The following SGCD variants were observed in gnomAD, a reference collection of about 807,000 sequenced individuals.
SGCD encodes the protein sarcoglycan delta, also known as delta-sarcoglycan.
Under a neutral mutation model 36.6 loss-of-function variants are expected in SGCD, and 18 were observed. The ratio of observed to expected loss-of-function variants is 0.49; its 90% CI spans 0.34 to 0.73. The LOEUF (loss-of-function observed/expected upper bound fraction) is 0.73, where lower values mean the gene tolerates loss of function less well. SGCD is among the 30% of genes least tolerant of loss of function. The pLI, the probability that SGCD is intolerant of heterozygous loss-of-function variation, is 0.01. For synonymous variants in SGCD, 133 were observed against 130.6 expected (o/e 1.02, Z -0.12); for missense variants, 387 against 346.7 (o/e 1.12, Z -0.92).
chr5:156,380,650 A>G (rs1224267703), intron 3 of SGCD, among the ~76,000 whole-genome samples: 1 of 152,190 alleles, frequency 6.6e-6, no homozygotes, highest in Non-Finnish European at 1.5e-5. Context: ...CATTTCAGCA[A>G]CTTCCTAGCC....
At chr5:156,330,578 TCCA>T (rs1768022225) in intron 2 of SGCD, among the ~76,000 whole-genome samples, 1 of 152,222 alleles carries the variant, frequency 6.6e-6, no homozygotes, top group Non-Finnish European at 1.5e-5. Context: ...CACCCATTTC[TCCA>T]TCTTTTCCTG....
intron 3 of SGCD, among the ~76,000 whole-genome samples, chr5:156,283,117 A>G (rs1766497782): frequency 6.6e-6 from 1 of 152,276 alleles, no homozygotes; most frequent in South Asian, 2.1e-4. Flanking sequence ...AACTTCATAT[A>G]TAATAGGGAT....
chr5:155,762,729 T>A, the SGCD span, among the ~76,000 whole-genome samples: 1 of 152,090 alleles, frequency 6.6e-6, no homozygotes, highest in Non-Finnish European at 1.5e-5. Context: ...CCATTAAACA[T>A]GGTTGCCCCT....
At chr5:156,329,681 T>G in intron 2 of SGCD, 102 bp downstream of exon 2, 1 of 988,796 alleles carries the variant, frequency 1.0e-6, no homozygotes, top group Non-Finnish European at 1.5e-6. Context: ...TATATATGCC[T>G]TATCCTGATG....
At chr5:156,425,965 G>T (rs750288454) in intron 3 of SGCD, among the ~76,000 whole-genome samples, 8 of 152,014 alleles carry the variant, frequency 5.3e-5, no homozygotes, top group Non-Finnish European at 1.2e-4. Context: ...ATTGGCTGAT[G>T]GGTATTTACG....
At chr5:155,964,282 T>C (rs940662092) in intron 1 of SGCD, among the ~76,000 whole-genome samples, 13 of 152,154 alleles carry the variant, frequency 8.5e-5, no homozygotes, top group African/African-American at 2.7e-4. Context: ...TTTGGTAATA[T>C]ACTCTAATGT....
chr5:156,269,007 T>C (rs2127668638), intron 3 of SGCD, among the ~76,000 whole-genome samples: 1 of 152,322 alleles, frequency 6.6e-6, no homozygotes, highest in African/African-American at 2.4e-5. Context: ...TCCAAGATGC[T>C]GATAAGGACA....
chr5:156,093,128 A>C (rs895790055), intron 1 of SGCD, among the ~76,000 whole-genome samples: 1 of 152,206 alleles, frequency 6.6e-6, no homozygotes, highest in Non-Finnish European at 1.5e-5. Context: ...GAGTGGATTC[A>C]GCTTTTCTCT....
At chr5:156,298,586 T>C (rs1402256107) in intron 3 of SGCD, among the ~76,000 whole-genome samples, 2 of 146,990 alleles carry the variant, frequency 1.4e-5, no homozygotes, top group Non-Finnish European at 3.0e-5. Flanking sequence ...CTTTTTTTTT[T>C]TTTTTTTTTT....
intron 1 of SGCD, among the ~76,000 whole-genome samples, chr5:156,041,135 G>A (rs1161639243): frequency 6.6e-6 from 1 of 152,152 alleles, no homozygotes; most frequent in Admixed American, 6.5e-5. Flanking sequence ...TGTATCTGGA[G>A]GCACATCATA....
chr5:156,560,317 T>C (rs894559649), intron 4 of SGCD, among the ~76,000 whole-genome samples: 3 of 152,168 alleles, frequency 2.0e-5, no homozygotes, highest in Non-Finnish European at 4.4e-5. Flanking sequence ...ACAAAGCCCC[T>C]TGAAAGCAGA....
At chr5:156,680,734 C>G (rs1753687602) in intron 7 of SGCD, among the ~76,000 whole-genome samples, 1 of 152,220 alleles carries the variant, frequency 6.6e-6, no homozygotes, top group Non-Finnish European at 1.5e-5. Context: ...TGTGCTGTGT[C>G]TCAAGGCAGA....
At chr5:156,141,350 C>T (rs1407706950) in intron 3 of SGCD, among the ~76,000 whole-genome samples, 1 of 152,094 alleles carries the variant, frequency 6.6e-6, no homozygotes, top group Non-Finnish European at 1.5e-5. Context: ...CCCAAGACCC[C>T]AGAACTATGG....
At chr5:156,673,937 C>T (rs1390703845) in intron 7 of SGCD, among the ~76,000 whole-genome samples, 1 of 152,204 alleles carries the variant, frequency 6.6e-6, no homozygotes, top group Non-Finnish European at 1.5e-5. Flanking sequence ...ACCTTCCTAA[C>T]ATAATGCATC....
At chr5:155,839,115 A>G in the SGCD span, among the ~76,000 whole-genome samples, 1 of 152,216 alleles carries the variant, frequency 6.6e-6, no homozygotes, top group African/African-American at 2.4e-5. Flanking sequence ...TACATTTCAC[A>G]TAAAATTAAG....
At chr5:156,549,044 C>T (rs1758690621) in intron 4 of SGCD, among the ~76,000 whole-genome samples, 2 of 151,956 alleles carry the variant, frequency 1.3e-5, no homozygotes, top group African/African-American at 4.8e-5. Context: ...CCTCCCACCA[C>T]CTTATTCCCT....
At chr5:156,391,123 A>G (rs1561665236) in intron 3 of SGCD, among the ~76,000 whole-genome samples, 1 of 152,204 alleles carries the variant, frequency 6.6e-6, no homozygotes, top group Non-Finnish European at 1.5e-5. Context: ...GAAACTTTGT[A>G]TTTTAAATCT....
At chr5:156,574,903 C>G (rs1008026552) in intron 4 of SGCD, among the ~76,000 whole-genome samples, 1 of 152,074 alleles carries the variant, frequency 6.6e-6, no homozygotes, top group African/African-American at 2.4e-5. Flanking sequence ...AGGTCAAAAT[C>G]CAAAGCAACA....
At chr5:156,305,425 G>A (rs1767178326) in intron 3 of SGCD, among the ~76,000 whole-genome samples, 1 of 152,186 alleles carries the variant, frequency 6.6e-6, no homozygotes, top group African/African-American at 2.4e-5. Context: ...TGGGCCTGCA[G>A]GTGCACAGAA....
Sources: gnomAD v4.1 joint callset for allele counts (sites outside exome capture counted in the v4.1 genomes callset) on GRCh38, gnomAD v4.1.1 for gene constraint, MANE v1.5 for transcripts, NCBI Gene and HGNC (gene_info 2026-07-23, HGNC 2026-07-21) for gene names.